Variants in TMEM117 observed in about 807,000 individuals in gnomAD.
TMEM117 encodes transmembrane protein 117.
TMEM117 carries 27 observed loss-of-function variants against 52.4 expected under a neutral mutation model. The ratio of observed to expected loss-of-function variants is 0.51; its 90% confidence interval spans 0.38 to 0.71. The LOEUF is 0.71. Ranked by LOEUF, TMEM117 falls within the 30% of genes least tolerant of loss-of-function variation. The pLI, the probability that TMEM117 is intolerant of heterozygous loss-of-function variation, is 0.00. For synonymous variants in TMEM117, 215 were observed against 206.3 expected, an observed-to-expected ratio of 1.04 and a Z score of -0.36; for missense variants, 556 against 630.5, an observed-to-expected ratio of 0.88 and a Z score of 1.26.
At chr12:44,248,923 C>T (rs1044731512) in intron 5 of TMEM117, 1 of 152,662 alleles carries the variant, frequency 6.6e-6, no homozygotes, top group African/African-American at 2.4e-5. Flanking sequence ...GTTAATGGTC[C>T]CGAAGAAAAA....
At chr12:44,211,922 A>G (rs542733519) in intron 5 of TMEM117, among the ~76,000 whole-genome samples, 2 of 152,352 alleles carry the variant, frequency 1.3e-5, no homozygotes, top group African/African-American at 4.8e-5. Flanking sequence ...GTGTACGTGA[A>G]CAAGTTCAAA....
chr12:44,149,019 G>C (rs1339407404), intron 4 of TMEM117, among the ~76,000 whole-genome samples: 3 of 152,138 alleles, frequency 2.0e-5, no homozygotes, highest in Admixed American at 2.0e-4. Flanking sequence ...CACTAAATTT[G>C]TTCCCAGAAC....
chr12:44,255,223 G>A (rs569805287), intron 5 of TMEM117, among the ~76,000 whole-genome samples: 2 of 152,148 alleles, frequency 1.3e-5, no homozygotes, highest in South Asian at 4.1e-4. Flanking sequence ...AGATCCCTGA[G>A]GAATCACCAC....
chr12:44,288,236 G>T (rs1950660963), intron 5 of TMEM117, among the ~76,000 whole-genome samples: 1 of 152,134 alleles, frequency 6.6e-6, no homozygotes, highest in Non-Finnish European at 1.5e-5. Context: ...ACCAATTAAA[G>T]TATTTTGCTC....
chr12:44,344,010 G>C (rs564734176), intron 6 of TMEM117, among the ~76,000 whole-genome samples: 1 of 152,062 alleles, frequency 6.6e-6, no homozygotes, highest in Non-Finnish European at 1.5e-5. Context: ...AGCTCATAGC[G>C]GTTGGTTGCC....
chr12:44,169,384 T>C (rs1043288270), intron 4 of TMEM117, among the ~76,000 whole-genome samples: 20 of 152,328 alleles, frequency 1.3e-4, no homozygotes, highest in African/African-American at 4.3e-4. Flanking sequence ...AAATAATGGT[T>C]ATTCTGTCAG....
chr12:44,244,592 G>A (rs1360289945), intron 5 of TMEM117: 4 of 151,472 alleles, frequency 2.6e-5, no homozygotes, highest in African/African-American at 9.7e-5. Flanking sequence ...ATATACTTTA[G>A]ACATTAACCC....
At chr12:44,164,106 C>G (rs1948932958) in intron 4 of TMEM117, among the ~76,000 whole-genome samples, 1 of 151,898 alleles carries the variant, frequency 6.6e-6, no homozygotes, top group African/African-American at 2.4e-5. Context: ...GAAGACTATA[C>G]CGTGGAATAA....
At chr12:44,329,330 G>A (rs984305640) in intron 6 of TMEM117, among the ~76,000 whole-genome samples, 2 of 152,040 alleles carry the variant, frequency 1.3e-5, no homozygotes, top group South Asian at 4.1e-4. Context: ...AATAAGAACT[G>A]GAGCTGTATT....
intron 3 of TMEM117, among the ~76,000 whole-genome samples, chr12:44,025,736 C>T (rs1434859729): frequency 6.6e-6 from 1 of 152,076 alleles, no homozygotes; most frequent in East Asian, 1.9e-4. Flanking sequence ...AGAAAAGGAA[C>T]ATTTCTAGAG....
rs11182313 is a variant in TMEM117 at position 43,866,425 on chromosome 12, A to G, written c.277+21497A>G. Among the ~76,000 whole-genome samples, 366 of 151,516 alleles carry G rather than the reference A, an allele frequency of 2.4e-3. 1 individual carries two copies. The highest frequency in any genetic ancestry group is 3.4e-3 in the Middle Eastern group (1 of 294). Reference sequence around the variant, plus strand: ...TCATCGCTACCAAAAAAAAAAAAAAAAAAGTTATGTGAAGCGGTGCACACC... The same window carrying G: ...TCATCGCTACCAAAAAAAAAAAAAAGAAAGTTATGTGAAGCGGTGCACACC... On this transcript the variant is annotated intron_variant, in intron 2 of 7. Coordinates refer to ENST00000266534, the MANE Select transcript of TMEM117 (RefSeq NM_032256.3).
intron 6 of TMEM117, among the ~76,000 whole-genome samples, chr12:44,322,849 C>T (rs1387721893): frequency 6.6e-6 from 1 of 152,014 alleles, no homozygotes. Flanking sequence ...ATACTCATAC[C>T]CTACTCCCAG....
At chr12:44,075,080 AT>A (rs1386843690) in intron 3 of TMEM117, among the ~76,000 whole-genome samples, 1 of 152,148 alleles carries the variant, frequency 6.6e-6, no homozygotes, top group Non-Finnish European at 1.5e-5. Flanking sequence ...GTAAGTGCTG[AT>A]TTTTTTAGAC....
intron 3 of TMEM117, among the ~76,000 whole-genome samples, chr12:44,002,512 T>A (rs1946131937): frequency 2.0e-5 from 3 of 152,146 alleles, no homozygotes; most frequent in Admixed American, 2.0e-4. Context: ...AGGGAAATCT[T>A]TCTAGGCATT....
At chr12:44,347,218 T>G (rs567749291) in intron 6 of TMEM117, among the ~76,000 whole-genome samples, 3 of 152,184 alleles carry the variant, frequency 2.0e-5, no homozygotes, top group East Asian at 3.9e-4. Flanking sequence ...TTTGGAGTTT[T>G]TCCCACAGGT....
chr12:43,870,351 C>T (rs1449630011), intron 2 of TMEM117, among the ~76,000 whole-genome samples: 3 of 150,912 alleles, frequency 2.0e-5, no homozygotes, highest in East Asian at 3.9e-4. Context: ...CCTCCGCCTC[C>T]TGGGTTCAAG....
intron 6 of TMEM117, among the ~76,000 whole-genome samples, chr12:44,310,727 G>C (rs1156399059): frequency 2.6e-5 from 4 of 152,196 alleles, no homozygotes; most frequent in Non-Finnish European, 4.4e-5. Context: ...TGTTTAGTAA[G>C]TGGGTAATGG....
intron 7 of TMEM117, among the ~76,000 whole-genome samples, chr12:44,379,834 T>C (rs75459350): frequency 0.015 from 2,331 of 152,294 alleles, 61 homozygotes; most frequent in African/African-American, 0.053. Context: ...TCAGTGCTTT[T>C]CTTGATAACT....
chr12:44,079,921 G>C (rs1445071891), intron 3 of TMEM117, among the ~76,000 whole-genome samples: 1 of 151,568 alleles, frequency 6.6e-6, no homozygotes, highest in East Asian at 1.9e-4. Context: ...AAGAGGCTGA[G>C]GTGAGAGGAT....
Sources: gnomAD v4.1 joint callset for allele counts (sites outside exome capture counted in the v4.1 genomes callset) on GRCh38, gnomAD v4.1.1 for gene constraint, MANE v1.5 for transcripts, NCBI Gene and HGNC (gene_info 2026-07-23, HGNC 2026-07-21) for gene names.